CACNA1E: variants seen among roughly 807,000 people sequenced by gnomAD.
The protein encoded by CACNA1E is voltage-dependent R-type calcium channel subunit alpha-1E.
In CACNA1E, 40 loss-of-function variants were observed where a neutral mutation model predicts 259.2. The observed-to-expected ratio is 0.15, with a 90% CI of 0.12 to 0.20. The LOEUF (loss-of-function observed/expected upper bound fraction) is 0.20, where lower values mean the gene tolerates loss of function less well. CACNA1E is among the 10% of genes least tolerant of loss of function. CACNA1E has a pLI of 1.00. For missense variants in CACNA1E, 1,874 were observed against 3,040.1 expected (o/e 0.62, Z 9.02); for synonymous variants, 1,104 against 1,138.5 (o/e 0.97, Z 0.61).
intron 2 of CACNA1E, among the ~76,000 whole-genome samples, chr1:181,452,789 A>C (rs540348929): frequency 8.5e-5 from 13 of 152,330 alleles, no homozygotes; most frequent in Admixed American, 2.6e-4. Context: ...CTAACTCTTC[A>C]GCTCCAGCTC....
chr1:181,343,010 A>C (rs1452223148), intron 1 of CACNA1E, among the ~76,000 whole-genome samples: 1 of 151,634 alleles, frequency 6.6e-6, no homozygotes, highest in Non-Finnish European at 1.5e-5. Flanking sequence ...ATCACAGGAC[A>C]GGGGGTGGTA....
intron 1 of CACNA1E, among the ~76,000 whole-genome samples, chr1:181,326,658 T>C (rs536195140): frequency 6.6e-6 from 1 of 152,322 alleles, no homozygotes; most frequent in East Asian, 1.9e-4. Context: ...GACTTCCAAA[T>C]TTCTGTTCTA....
chr1:181,604,388 GT>G (rs1332347093), intron 6 of CACNA1E, among the ~76,000 whole-genome samples: 1 of 152,164 alleles, frequency 6.6e-6, no homozygotes, highest in African/African-American at 2.4e-5. Context: ...TTGAGATGGT[GT>G]TTTTCATGAA....
chr1:181,351,970 G>A (rs969493626), intron 1 of CACNA1E, among the ~76,000 whole-genome samples: 1 of 152,208 alleles, frequency 6.6e-6, no homozygotes, highest in South Asian at 2.1e-4. Context: ...AAGAGGAGGA[G>A]GAGGTGAGTG....
chr1:181,406,953 G>A (rs1345988230), intron 1 of CACNA1E, among the ~76,000 whole-genome samples: 1 of 152,162 alleles, frequency 6.6e-6, no homozygotes. Flanking sequence ...AACTGACCTA[G>A]AGAAGTCAAG....
At chr1:181,622,472 G>A (rs1055580637) in intron 6 of CACNA1E, among the ~76,000 whole-genome samples, 3 of 152,168 alleles carry the variant, frequency 2.0e-5, no homozygotes, top group African/African-American at 7.2e-5. Flanking sequence ...GTGTTGGCAG[G>A]TTTGTTTTGT....
intron 6 of CACNA1E, among the ~76,000 whole-genome samples, chr1:181,618,457 C>T (rs1220382876): frequency 2.6e-5 from 4 of 152,040 alleles, no homozygotes; most frequent in African/African-American, 4.8e-5. Flanking sequence ...CCTGGTCACT[C>T]GGGAGGCTGA....
intron 7 of CACNA1E, among the ~76,000 whole-genome samples, chr1:181,679,922 G>C (rs1278908493): frequency 6.6e-6 from 1 of 152,006 alleles, no homozygotes; most frequent in East Asian, 1.9e-4. Flanking sequence ...GGGCAACATT[G>C]TGGAACCTCA....
chr1:181,410,377 A>T (rs1266368375), intron 1 of CACNA1E, among the ~76,000 whole-genome samples: 1 of 152,036 alleles, frequency 6.6e-6, no homozygotes, highest in Non-Finnish European at 1.5e-5. Flanking sequence ...CCAAGTACCG[A>T]GTGTTGGCTA....
At chr1:181,559,631 G>A (rs930554736) in intron 3 of CACNA1E, among the ~76,000 whole-genome samples, 8 of 152,226 alleles carry the variant, frequency 5.3e-5, no homozygotes, top group South Asian at 2.1e-4. Context: ...ATACAATACC[G>A]ACAAGTACAT....
chr1:181,766,634 C>T (rs111364465), intron 35 of CACNA1E, 23 bp downstream of exon 35: 81 of 1,563,856 alleles, frequency 5.2e-5, no homozygotes, highest in African/African-American at 1.4e-4. Flanking sequence ...ATCAAGGGCC[C>T]GGTGGGGGAC....
At chr1:181,785,843 G>A (rs764225460) in intron 43 of CACNA1E, 24 bp downstream of exon 43, 5 of 1,476,592 alleles carry the variant, frequency 3.4e-6, no homozygotes, top group Non-Finnish European at 4.7e-6. Flanking sequence ...AAACATCCCT[G>A]GCATGGCTGT....
intron 1 of CACNA1E, among the ~76,000 whole-genome samples, chr1:181,405,091 A>G (rs1657369608): frequency 6.6e-6 from 1 of 152,200 alleles, no homozygotes; most frequent in Admixed American, 6.5e-5. Context: ...CTACTCAGAG[A>G]GGAGATTTAA....
intron 1 of CACNA1E, among the ~76,000 whole-genome samples, chr1:181,343,149 A>G (rs550800367): frequency 6.6e-6 from 1 of 152,008 alleles, no homozygotes; most frequent in African/African-American, 2.4e-5. Context: ...TGGGTAGATG[A>G]GGGTCCATTC....
At chr1:181,469,259 G>A (rs1473347638) in intron 2 of CACNA1E, among the ~76,000 whole-genome samples, 6 of 152,124 alleles carry the variant, frequency 3.9e-5, no homozygotes, top group Non-Finnish European at 7.3e-5. Context: ...AGGGGTGGTG[G>A]TGCAAATGGC....
intron 1 of CACNA1E, among the ~76,000 whole-genome samples, chr1:181,354,574 TTCTTCTC>T (rs1653283130): frequency 6.6e-6 from 1 of 152,154 alleles, no homozygotes; most frequent in Non-Finnish European, 1.5e-5. Context: ...TAATTAGAGA[TTCTTCTC>T]TATGGTTCAG....
chr1:181,344,907 TC>T (rs1652468921), intron 1 of CACNA1E, among the ~76,000 whole-genome samples: 1 of 152,200 alleles, frequency 6.6e-6, no homozygotes, highest in Admixed American at 6.5e-5. Context: ...CTGAGGCCAT[TC>T]TTGTAATTAT....
chr1:181,703,822 A>T (rs1377547587), intron 7 of CACNA1E, among the ~76,000 whole-genome samples: 1 of 152,210 alleles, frequency 6.6e-6, no homozygotes, highest in Non-Finnish European at 1.5e-5. Flanking sequence ...GGTCTTGGAC[A>T]GGTGATCTGT....
chr1:181,686,283 T>TTTTGTTTGTTTG (rs1553321330), intron 7 of CACNA1E, among the ~76,000 whole-genome samples: 2 of 122,764 alleles, frequency 1.6e-5, no homozygotes, highest in Admixed American at 1.8e-4. Context: ...AAGTTTTTTT[T>TTTTGTTTGTTTG]TTTTTTTTTT....
Sources: gnomAD v4.1 joint callset for allele counts (sites outside exome capture counted in the v4.1 genomes callset) on GRCh38, gnomAD v4.1.1 for gene constraint, MANE v1.5 for transcripts, NCBI Gene and HGNC (gene_info 2026-07-23, HGNC 2026-07-21) for gene names.